Variants in THADA observed in about 807,000 individuals in gnomAD.
The protein encoded by THADA is tRNA (32-2'-O)-methyltransferase regulator THADA.
In THADA, 213 loss-of-function variants were observed where a neutral mutation model predicts 219.8. That is an observed-to-expected ratio of 0.97 (90% confidence interval 0.87 to 1.09). The LOEUF (loss-of-function observed/expected upper bound fraction) is 1.09, where lower values mean the gene tolerates loss of function less well. Ranked by LOEUF, THADA falls within the 50% of genes least tolerant of loss-of-function variation. THADA has a pLI of 0.00. For missense variants in THADA, 2,956 were observed against 2,311.3 expected (o/e 1.28, Z -5.72); for synonymous variants, 1,018 against 828.9 (o/e 1.23, Z -3.92).
At chr2:43,274,933 C>G (rs1025198344) in intron 36 of THADA, among the ~76,000 whole-genome samples, 1 of 151,850 alleles carries the variant, frequency 6.6e-6, no homozygotes, top group Admixed American at 6.6e-5. Context: ...ATTCCTTGCT[C>G]AGTGCCTTCT....
At chr2:43,542,270 T>C (rs886866692) in intron 20 of THADA, among the ~76,000 whole-genome samples, 6 of 152,150 alleles carry the variant, frequency 3.9e-5, no homozygotes, top group Admixed American at 6.5e-5. Context: ...ATAAAATAAG[T>C]ACAAAATAAT....
intron 8 of THADA, among the ~76,000 whole-genome samples, chr2:43,580,361 A>G (rs1700304369): frequency 6.6e-6 from 1 of 152,106 alleles, no homozygotes; most frequent in African/African-American, 2.4e-5. Context: ...TATTAAAATC[A>G]TGTATTCTCT....
chr2:43,312,535 G>A (rs183581506), intron 31 of THADA, among the ~76,000 whole-genome samples: 1 of 152,256 alleles, frequency 6.6e-6, no homozygotes, highest in East Asian at 1.9e-4. Context: ...TAAACACCAC[G>A]TTAACCTAGC....
intron 36 of THADA, among the ~76,000 whole-genome samples, chr2:43,239,375 C>G (rs181648042): frequency 1.3e-5 from 2 of 152,306 alleles, no homozygotes; most frequent in South Asian, 2.1e-4. Flanking sequence ...CCCCCGCCCC[C>G]CAACAGGGCT....
At chr2:43,484,286 AT>A (rs1393705109) in intron 26 of THADA, 1 of 167,424 alleles carries the variant, frequency 6.0e-6, no homozygotes, top group African/African-American at 2.4e-5. Context: ...ATGATTTCAT[AT>A]TTTTTTAATT....
At chr2:43,360,913 T>A (rs966959835) in intron 29 of THADA, among the ~76,000 whole-genome samples, 2 of 152,194 alleles carry the variant, frequency 1.3e-5, no homozygotes, top group African/African-American at 4.8e-5. Flanking sequence ...ACTTTAATCC[T>A]CAGGCTAGGA....
At chr2:43,384,028 T>C (rs887655764) in intron 29 of THADA, among the ~76,000 whole-genome samples, 3 of 152,154 alleles carry the variant, frequency 2.0e-5, no homozygotes, top group African/African-American at 7.2e-5. Flanking sequence ...CCAGCTTCTC[T>C]ATATGAATTT....
chr2:43,301,881 T>A (rs755910836), intron 31 of THADA, among the ~76,000 whole-genome samples: 3 of 152,160 alleles, frequency 2.0e-5, no homozygotes, highest in Non-Finnish European at 2.9e-5. Flanking sequence ...TGCAACAACG[T>A]TTGTGTCCTG....
At chr2:43,497,043 G>A (rs1011678683) in intron 25 of THADA, among the ~76,000 whole-genome samples, 9 of 152,136 alleles carry the variant, frequency 5.9e-5, no homozygotes, top group African/African-American at 1.9e-4. Context: ...AACAACAGAT[G>A]CTGGTAAGGC....
rs1388293556 is a variant in THADA at position 43,581,576 on chromosome 2, A to AC, written c.721+164_721+165insG. On this transcript the variant is annotated intron_variant, in intron 8 of 37. Transcript: ENST00000405975. ...AAAAAAAAGAAAAGAAAAAAAAAAA[A>AC]AACCATGTAGTCCAGGGCCTCCCTC... Among the ~76,000 whole-genome samples the AC allele has an allele frequency of 7.9e-3, 1,192 of 150,874 alleles. 13 individuals carry two copies. Among genetic ancestry groups the AC allele is most frequent in the African/African-American group, 0.026 (1,070 of 41,074 alleles).
chr2:43,408,048 A>C lies in THADA; in HGVS notation c.4059-9909T>G, dbSNP rs919906798. Among the ~76,000 whole-genome samples the C allele has an allele frequency of 5.9e-5, 9 of 152,366 alleles. No homozygotes were observed. The East Asian group carries it at 1.5e-3, about 26-fold the overall frequency. ...AATTGGTAGTCTAAATATGTTTCCT[A>C]CTGCTCTAACTAGTGTTAAACAAAA... On this transcript the variant is annotated intron_variant, in intron 28 of 37. Coordinates refer to ENST00000405975, the MANE Select transcript of THADA (RefSeq NM_022065.5).
chr2:43,394,499 T>C (rs1175812999), intron 29 of THADA, among the ~76,000 whole-genome samples: 6 of 152,266 alleles, frequency 3.9e-5, no homozygotes, highest in Non-Finnish European at 8.8e-5. Flanking sequence ...ATAACAACTT[T>C]ATATTTATTT....
chr2:43,566,470 A>G (rs1698691158), intron 15 of THADA: 1 of 719,680 alleles, frequency 1.4e-6, no homozygotes, highest in South Asian at 1.5e-5. Context: ...TAATCCATGA[A>G]AATTATACTT....
At chr2:43,302,771 G>C (rs1020234181) in intron 31 of THADA, among the ~76,000 whole-genome samples, 1 of 152,096 alleles carries the variant, frequency 6.6e-6, no homozygotes, top group African/African-American at 2.4e-5. Context: ...AAAAGATGTA[G>C]CCAGGTATCG....
intron 29 of THADA, among the ~76,000 whole-genome samples, chr2:43,351,360 A>C (rs1668231416): frequency 6.6e-6 from 1 of 152,090 alleles, no homozygotes; most frequent in Non-Finnish European, 1.5e-5. Context: ...AACAACTTAC[A>C]AATGCTTTCC....
At chr2:43,575,466 G>C (rs773445317) in intron 10 of THADA, among the ~76,000 whole-genome samples, 4 of 152,094 alleles carry the variant, frequency 2.6e-5, no homozygotes, top group Admixed American at 6.6e-5. Context: ...TAATAGTCCA[G>C]GAAGGGACAT....
intron 29 of THADA, among the ~76,000 whole-genome samples, chr2:43,387,596 G>T (rs1043143633): frequency 6.6e-6 from 1 of 151,676 alleles, no homozygotes; most frequent in Non-Finnish European, 1.5e-5. Flanking sequence ...ACAGGATGAT[G>T]GGGAAAATCC....
chr2:43,298,015 C>T (rs1451047305), intron 31 of THADA, among the ~76,000 whole-genome samples: 1 of 113,774 alleles, frequency 8.8e-6, no homozygotes, highest in African/African-American at 5.1e-5. Context: ...GGGTCAGCCC[C>T]CCGGCCCGGC....
intron 32 of THADA, 137 bp downstream of exon 32, chr2:43,292,697 C>T (rs1488133265): frequency 1.9e-5 from 20 of 1,066,812 alleles, no homozygotes; most frequent in African/African-American, 6.3e-5. Flanking sequence ...GAGTCCTTAT[C>T]CACTGGCTGC....
Sources: gnomAD v4.1 joint callset for allele counts (sites outside exome capture counted in the v4.1 genomes callset) on GRCh38, gnomAD v4.1.1 for gene constraint, MANE v1.5 for transcripts, NCBI Gene and HGNC (gene_info 2026-07-23, HGNC 2026-07-21) for gene names.